Variants in UBE3A observed in about 807,000 individuals in gnomAD.
UBE3A encodes the protein ubiquitin-protein ligase E3A.
Under a neutral mutation model 83.4 loss-of-function variants are expected in UBE3A, and 6 were observed. That is an observed-to-expected ratio of 0.07 (90% confidence interval 0.04 to 0.14). UBE3A has a LOEUF of 0.14. Ranked by LOEUF, UBE3A falls within the 10% of genes least tolerant of loss-of-function variation. The pLI is 1.00. For missense variants in UBE3A, 456 were observed against 1,036.1 expected (o/e 0.44, Z 7.69); for synonymous variants, 337 against 355.4 (o/e 0.95, Z 0.58).
intron 9 of UBE3A, 94 bp downstream of exon 9, chr15:25,355,798 C>A: frequency 3.4e-6 from 4 of 1,169,778 alleles, no homozygotes; most frequent in South Asian, 1.4e-5. Flanking sequence ...TTTTTTTGTA[C>A]AGACTATATT....
At chr15:25,422,565 C>T (rs943034832) in intron 1 of UBE3A, among the ~76,000 whole-genome samples, 7 of 152,022 alleles carry the variant, frequency 4.6e-5, no homozygotes, top group African/African-American at 1.7e-4. Context: ...CAAACCATGA[C>T]AAATGCAATC....
intron 1 of UBE3A, among the ~76,000 whole-genome samples, chr15:25,435,036 C>T (rs1166753519): frequency 2.3e-5 from 3 of 130,448 alleles, no homozygotes; most frequent in Non-Finnish European, 4.7e-5. Context: ...TAATACACTA[C>T]GTGCCAGATA....
At chr15:25,345,923 C>T (rs1216890012) in intron 11 of UBE3A, 2 of 152,092 alleles carry the variant, frequency 1.3e-5, no homozygotes, top group Non-Finnish European at 1.5e-5. Context: ...TAAAACAGAA[C>T]AATAATACCA....
chr15:25,375,422 G>A (rs1400977260), intron 5 of UBE3A, 43 bp downstream of exon 5: 3 of 1,600,468 alleles, frequency 1.9e-6, no homozygotes, highest in Non-Finnish European at 2.6e-6. Flanking sequence ...TCTCCCACAT[G>A]GTTTTCAGGC....
Position 25,438,773 on chromosome 15 carries a change from C to G in UBE3A, c.-449G>C, listed in dbSNP as rs992626699. On this transcript the variant is annotated 5_prime_UTR_variant, in exon 1 of 13. Transcript: ENST00000648336. The stretch of plus-strand genomic sequence containing the variant: ...GCCGCGAGCTATTCCGAGGAGGAGC[C>G]GAAGGAGGCGCCGCCGCCCGCAGCC... 3.9e-5 allele frequency: 6 copies of G among 152,480 alleles called. No homozygotes were observed. Among genetic ancestry groups the G allele is most frequent in the Admixed American group, 3.9e-4 (6 of 15,308 alleles). 9.4% of individuals were successfully genotyped at this position (152,480 alleles called of 1,614,324 possible).
At chr15:25,356,155 A>G in intron 8 of UBE3A, 99 bp from the exon 9 acceptor site, 1 of 1,448,966 alleles carries the variant, frequency 6.9e-7, no homozygotes. Context: ...AATCTTATCA[A>G]TAAAAATTGT....
chr15:25,369,222 G>T (rs1859359), intron 6 of UBE3A, among the ~76,000 whole-genome samples: 18,081 of 151,574 alleles, frequency 0.12, 1,149 homozygotes, highest in Middle Eastern at 0.23. Flanking sequence ...AAATAAAAAG[G>T]GTACCAGAAA....
rs959134022 is a variant in UBE3A, at chr15:25,370,378, T to C, written c.1608+188A>G. ...CATGACCATTATATAATACAACCGA[T>C]ACTTTGTAGAACACATCTATAAACT... On this transcript the variant is annotated intron_variant, in intron 6 of 12. Coordinates refer to ENST00000648336, the MANE Select transcript of UBE3A (RefSeq NM_130839.5). This position sits in a 1 kb window ranked among gnomAD's most constrained non-coding sequence, Gnocchi z 4.2. 5.3e-5 allele frequency among the ~76,000 whole-genome samples: 8 copies of C among 152,212 alleles called. No individual in the cohort carries two copies. In the South Asian group the frequency reaches 6.2e-4, roughly 12 times the overall value.
In UBE3A at chr15:25,339,075, T is replaced by G; in HGVS notation, c.*62A>C. ...TTTATCCCTCGTTATATTTTTAAAA[T>G]TTTTTAAATTTTTTCTTTTTTTTTC... On this transcript the variant is annotated 3_prime_UTR_variant, in exon 13 of 13. Transcript: ENST00000648336. 1 of 1,466,488 alleles carries G rather than the reference T, an allele frequency of 6.8e-7. No homozygotes were observed. Among genetic ancestry groups the G allele is most frequent in the Non-Finnish European group, 9.0e-7 (1 of 1,113,314 alleles). The allele number at this position is 1,466,488 out of a possible 1,614,324, so 90.8% of individuals were successfully genotyped here. A position where few individuals can be genotyped will look rare whatever the true frequency, so the allele number is the denominator to read the frequency against.
intron 1 of UBE3A, among the ~76,000 whole-genome samples, chr15:25,435,647 ATGTCAAATTTGT>A (rs558531231): frequency 2.2e-4 from 34 of 152,252 alleles, no homozygotes; most frequent in African/African-American, 7.9e-4. Flanking sequence ...CCTCACTAAG[ATGTCAAATTTGT>A]TGGTACCTTG....
chr15:25,336,436 A>C lies in UBE3A; in HGVS notation c.*2701T>G, dbSNP rs547864191. ...TCAGAATGGTCATGTTTTTAATGGG[A>C]ATAGGGAGTGATGCTGCCCCATTAC... On this transcript the variant is annotated 3_prime_UTR_variant, in exon 13 of 13. Coordinates refer to ENST00000648336, the MANE Select transcript of UBE3A (RefSeq NM_130839.5). 6.6e-6 allele frequency: 1 copy of C among 152,174 alleles called. No homozygotes were observed. The highest frequency in any genetic ancestry group is 1.5e-5 in the Non-Finnish European group (1 of 68,038). The allele number at this position is 152,174 out of a possible 1,614,324, so 9.4% of individuals were successfully genotyped here. A position where few individuals can be genotyped will look rare whatever the true frequency, so the allele number is the denominator to read the frequency against.
chr15:25,402,241 T>C (rs1319697034), intron 4 of UBE3A, among the ~76,000 whole-genome samples: 1 of 152,224 alleles, frequency 6.6e-6, no homozygotes, highest in Non-Finnish European at 1.5e-5. Context: ...AGCCTGAGTC[T>C]ACCGGGGCTG....
chr15:25,371,851 T>A lies in UBE3A; in HGVS notation c.362-39A>T. 3 of 1,581,502 alleles carry A rather than the reference T, an allele frequency of 1.9e-6. No homozygotes were observed. The highest frequency in any genetic ancestry group is 2.6e-6 in the Non-Finnish European group (3 of 1,167,714). On this transcript the variant is annotated intron_variant, in intron 5 of 12. Transcript: ENST00000648336. This position sits in a 1 kb window ranked among gnomAD's most constrained non-coding sequence, Gnocchi z 5.3. ...GGAAAAAAGAGAACATTTATTTTCA[T>A]AATATGTATGTTTACTCTGTTGCAA...
At chr15:25,357,118 A>G (rs2077322075) in intron 7 of UBE3A, among the ~76,000 whole-genome samples, 1 of 152,206 alleles carries the variant, frequency 6.6e-6, no homozygotes, top group African/African-American at 2.4e-5. Flanking sequence ...TTATGAAGCC[A>G]AAGGAATAAA....
At chr15:25,364,907 A>T (rs1263543003) in intron 6 of UBE3A, among the ~76,000 whole-genome samples, 10 of 151,950 alleles carry the variant, frequency 6.6e-5, no homozygotes, top group Admixed American at 5.2e-4. Context: ...TGGCCTCCCA[A>T]AGTGCTGGGA....
chr15:25,390,015 A>T (rs1013191702), intron 4 of UBE3A, among the ~76,000 whole-genome samples: 1 of 152,216 alleles, frequency 6.6e-6, no homozygotes, highest in Non-Finnish European at 1.5e-5. Flanking sequence ...CACCAAAGAT[A>T]TACAGATGGC....
Position 25,361,980 on chromosome 15 carries a change from C to A in UBE3A, c.1609-1453G>T, listed in dbSNP as rs550460755. 2.0e-5 allele frequency among the ~76,000 whole-genome samples: 3 copies of A among 152,258 alleles called. No individual in the cohort carries two copies. In the East Asian group the frequency reaches 5.8e-4, roughly 29 times the overall value. On this transcript the variant is annotated intron_variant, in intron 6 of 12. Coordinates refer to ENST00000648336, the MANE Select transcript of UBE3A (RefSeq NM_130839.5). Reference sequence around the variant, plus strand: ...CGCATCAGGTCAGGTTGCCCGAGAGCATTGTTTTTTCAAACTTGTCACCTG... The same window carrying A: ...CGCATCAGGTCAGGTTGCCCGAGAGAATTGTTTTTTCAAACTTGTCACCTG...
intron 11 of UBE3A, 133 bp downstream of exon 11, chr15:25,354,220 C>A: frequency 1.3e-6 from 1 of 761,320 alleles, no homozygotes; most frequent in Non-Finnish European, 2.3e-6. Context: ...ATTACAAATA[C>A]AAATCTAAGT....
intron 7 of UBE3A, 39 bp downstream of exon 7, chr15:25,360,344 G>T (rs201028767): frequency 1.2e-5 from 20 of 1,611,668 alleles, no homozygotes; most frequent in Non-Finnish European, 1.7e-5. Flanking sequence ...TAACTCAAAA[G>T]ATGATACGAC....
Sources: gnomAD v4.1 joint callset for allele counts (sites outside exome capture counted in the v4.1 genomes callset) on GRCh38, gnomAD v4.1.1 for gene constraint, Gnocchi (gnomAD v3.1) non-coding constraint, MANE v1.5 for transcripts, NCBI Gene and HGNC (gene_info 2026-07-23, HGNC 2026-07-21) for gene names.